Variants in TRDN observed in about 807,000 individuals in gnomAD.
The protein encoded by TRDN is triadin in skeletal muscle.
In TRDN, 161 loss-of-function variants were observed where a neutral mutation model predicts 149.7. The ratio of observed to expected loss-of-function variants is 1.08; its 90% CI spans 0.95 to 1.23. The LOEUF is 1.23. Among genes scored for constraint, TRDN ranks in the 50% most tolerant of loss-of-function variants. The pLI, the probability that TRDN is intolerant of heterozygous loss-of-function variation, is 0.00. For missense variants in TRDN, 896 were observed against 823.5 expected (o/e 1.09, Z -1.08); for synonymous variants, 294 against 250.5 (o/e 1.17, Z -1.64).
chr6:123,457,693 C>CTGAAA, intron 10 of TRDN: 1 of 336,952 alleles, frequency 3.0e-6, no homozygotes, highest in South Asian at 2.6e-5. Flanking sequence ...AACATATTAA[C>CTGAAA]TGAAAGATAC....
At chr6:123,509,290 G>A (rs191495368) in intron 7 of TRDN, among the ~76,000 whole-genome samples, 36 of 152,092 alleles carry the variant, frequency 2.4e-4, no homozygotes, top group Non-Finnish European at 3.5e-4. Context: ...CCAACTTGTG[G>A]CATTCATATC....
At chr6:123,387,111 T>G (rs892353371) in intron 14 of TRDN, among the ~76,000 whole-genome samples, 2 of 152,174 alleles carry the variant, frequency 1.3e-5, no homozygotes, top group Non-Finnish European at 2.9e-5. Flanking sequence ...ACATGAAAAG[T>G]TGAATGAAAT....
At chr6:123,566,210 T>A (rs540889860) in intron 2 of TRDN, among the ~76,000 whole-genome samples, 6 of 152,326 alleles carry the variant, frequency 3.9e-5, no homozygotes, top group Non-Finnish European at 7.3e-5. Context: ...TTAAAATTTG[T>A]CTCATTTGAT....
chr6:123,430,760 C>T (rs984897078), intron 12 of TRDN, among the ~76,000 whole-genome samples: 2 of 152,088 alleles, frequency 1.3e-5, no homozygotes, highest in East Asian at 1.9e-4. Flanking sequence ...CATGAACCTT[C>T]GCTCCTTCTG....
At chr6:123,614,178 A>G (rs768307680) in intron 1 of TRDN, among the ~76,000 whole-genome samples, 15 of 151,592 alleles carry the variant, frequency 9.9e-5, no homozygotes, top group Non-Finnish European at 2.1e-4. Flanking sequence ...TGATTCATAT[A>G]CATGTTAAGG....
chr6:123,444,930 T>A (rs1177914060), intron 10 of TRDN: 1 of 152,266 alleles, frequency 6.6e-6, no homozygotes, highest in Non-Finnish European at 1.5e-5. Context: ...GCCAGTATTT[T>A]ATTGAGGATT....
At chr6:123,479,634 G>A (rs1049973646) in intron 9 of TRDN, among the ~76,000 whole-genome samples, 2 of 152,068 alleles carry the variant, frequency 1.3e-5, no homozygotes, top group Admixed American at 6.6e-5. Context: ...CCAAGTATGC[G>A]GAGTCCCAGT....
At chr6:123,596,878 T>C (rs1270371927) in intron 1 of TRDN, among the ~76,000 whole-genome samples, 4 of 152,106 alleles carry the variant, frequency 2.6e-5, no homozygotes, top group Non-Finnish European at 4.4e-5. Context: ...GAGAATGTAC[T>C]TGGTCACTCA....
intron 33 of TRDN, among the ~76,000 whole-genome samples, chr6:123,263,348 T>A (rs1776836325): frequency 6.6e-6 from 1 of 151,980 alleles, no homozygotes. Flanking sequence ...AGAAGAAAAG[T>A]TGGAAGCTAC....
intron 7 of TRDN, among the ~76,000 whole-genome samples, chr6:123,511,512 C>T (rs1009440696): frequency 1.3e-5 from 2 of 152,044 alleles, no homozygotes; most frequent in African/African-American, 4.8e-5. Flanking sequence ...AAAGAAAATT[C>T]TGAATTTGAG....
chr6:123,512,318 T>G lies in TRDN; in HGVS notation c.595A>C (p.Lys199Gln). Reference protein sequence around the residue: ...KIEKKEKPETKTLAKEQKKAK... With the variant: ...KIEKKEKPETQTLAKEQKKAK... The stretch of plus-strand genomic sequence containing the variant: ...GAAAAGTTACCTTTCGCCAGTGTCT[T>G]TGTTTCTGGTTTTTCTTTTTTCTCA... Residue 199 changes from lysine (K) to glutamine (Q), a missense_variant, in exon 7 of 41, where the codon AAG (lysine) becomes CAG (glutamine). Transcript: ENST00000334268. 6.7e-7 allele frequency: 1 copy of G among 1,500,184 alleles called. No homozygotes were observed. Among genetic ancestry groups the G allele is most frequent in the Non-Finnish European group, 9.2e-7 (1 of 1,092,488 alleles). The allele number at this position is 1,500,184 out of a possible 1,614,324, so 92.9% of individuals were successfully genotyped here. A position where few individuals can be genotyped will look rare whatever the true frequency, so the allele number is the denominator to read the frequency against.
chr6:123,228,346 GC>G (rs1263277470), intron 38 of TRDN, among the ~76,000 whole-genome samples: 1 of 151,864 alleles, frequency 6.6e-6, no homozygotes, highest in African/African-American at 2.4e-5. Context: ...TTTTCATACT[GC>G]CATAAAGAAC....
rs566841027 is a variant in TRDN at position 123,363,385 on chromosome 6, C to G, written c.1321+2750G>C. On this transcript the variant is annotated intron_variant, in intron 20 of 40. Transcript: ENST00000334268. ...TTACTTGACAAATGAGAAAAGTATC[C>G]TTTGATTTTTGTTTGTAATTTGTCA... 7.2e-5 allele frequency among the ~76,000 whole-genome samples: 11 copies of G among 152,162 alleles called. No homozygotes were observed. The South Asian group carries it at 2.3e-3, about 32-fold the overall frequency.
intron 24 of TRDN, among the ~76,000 whole-genome samples, chr6:123,283,858 C>A (rs1440548357): frequency 6.7e-6 from 1 of 148,438 alleles, no homozygotes; most frequent in Admixed American, 6.7e-5. Context: ...ATACCCAATT[C>A]TTTAAATGTC....
At chr6:123,603,368 A>C (rs1220242335) in intron 1 of TRDN, among the ~76,000 whole-genome samples, 1 of 151,910 alleles carries the variant, frequency 6.6e-6, no homozygotes, top group Non-Finnish European at 1.5e-5. Flanking sequence ...CTTCCTCTCA[A>C]AACTTCTTTT....
intron 1 of TRDN, among the ~76,000 whole-genome samples, chr6:123,622,301 C>CTA (rs201440173): frequency 0.048 from 6,511 of 136,908 alleles, 212 homozygotes; most frequent in East Asian, 0.24. Flanking sequence ...ATCTCTCTCT[C>CTA]TCTATATATA....
intron 6 of TRDN, among the ~76,000 whole-genome samples, chr6:123,515,180 A>G (rs921261529): frequency 6.6e-6 from 1 of 152,096 alleles, no homozygotes; most frequent in African/African-American, 2.4e-5. Flanking sequence ...GAAATCTATG[A>G]AATGCCTTTC....
At chr6:123,454,014 G>A (rs1775951872) in intron 10 of TRDN, among the ~76,000 whole-genome samples, 1 of 152,212 alleles carries the variant, frequency 6.6e-6, no homozygotes, top group East Asian at 1.9e-4. Context: ...ATTATTCTAA[G>A]TGAAGTAACT....
At chr6:123,586,339 G>T (rs1025077180) in intron 1 of TRDN, among the ~76,000 whole-genome samples, 1 of 152,244 alleles carries the variant, frequency 6.6e-6, no homozygotes, top group African/African-American at 2.4e-5. Context: ...GCTCGGCCTG[G>T]CGAGGAGGGG....
Sources: gnomAD v4.1 joint callset for allele counts (sites outside exome capture counted in the v4.1 genomes callset) on GRCh38, gnomAD v4.1.1 for gene constraint, MANE v1.5 for transcripts, NCBI Gene and HGNC (gene_info 2026-07-23, HGNC 2026-07-21) for gene names.